Variants in MBNL1 observed in about 807,000 individuals in gnomAD.
The protein encoded by MBNL1 is muscleblind like splicing regulator 1.
A neutral mutation model predicts 42.2 loss-of-function variants in MBNL1; 8 were observed. The observed-to-expected ratio is 0.19, with a 90% CI of 0.11 to 0.34. The LOEUF is 0.34. Ranked by LOEUF, MBNL1 falls within the 10% of genes least tolerant of loss-of-function variation. MBNL1 has a pLI of 1.00. For synonymous variants in MBNL1, 169 were observed against 173.9 expected, an observed-to-expected ratio of 0.97 and a Z score of 0.22; for missense variants, 309 against 495.3, an observed-to-expected ratio of 0.62 and a Z score of 3.57.
chr3:152,338,997 TTAAAGA>T (rs1216072533), intron 2 of MBNL1, among the ~76,000 whole-genome samples: 3 of 152,272 alleles, frequency 2.0e-5, no homozygotes, highest in African/African-American at 7.2e-5. Flanking sequence ...ATTAAAATGG[TTAAAGA>T]TAAAATAGAA....
At chr3:152,401,620 TGA>T (rs2098223631) in intron 2 of MBNL1, among the ~76,000 whole-genome samples, 1 of 151,964 alleles carries the variant, frequency 6.6e-6, no homozygotes, top group African/African-American at 2.4e-5. Context: ...AGCTAGCGGG[TGA>T]GAGAGCTGCA....
At chr3:152,329,927 T>C (rs188096782) in intron 2 of MBNL1, among the ~76,000 whole-genome samples, 45 of 152,044 alleles carry the variant, frequency 3.0e-4, no homozygotes, top group Middle Eastern at 3.4e-3. Context: ...GGATTATTTC[T>C]ATGAATTCTC....
At chr3:152,261,895 T>G (rs1232362964) in intron 2 of MBNL1, among the ~76,000 whole-genome samples, 1 of 152,238 alleles carries the variant, frequency 6.6e-6, no homozygotes, top group African/African-American at 2.4e-5. Flanking sequence ...ATTTGCCAGC[T>G]GCTTGGGAGT....
chr3:152,340,560 T>C lies in MBNL1; in HGVS notation c.174+40193T>C, dbSNP rs200228030. 1,021 of 1,613,292 alleles carry C rather than the reference T, an allele frequency of 6.3e-4. 2 individuals carry two copies. Among genetic ancestry groups the C allele is most frequent in the Non-Finnish European group, 7.9e-4 (937 of 1,179,594 alleles). ...TCATGAGTCCAAGCTGAGACATAGC[T>C]ACAACTGACAGGATCTGTTCACCAT... On this transcript the variant is annotated intron_variant, in intron 2 of 9. Transcript: ENST00000324210.
intron 1 of MBNL1, chr3:152,269,318 G>A: frequency 2.9e-6 from 1 of 348,522 alleles, no homozygotes; most frequent in South Asian, 2.1e-5. Context: ...CCTGCCGCGG[G>A]CTCTGCGGAC....
chr3:152,253,381 G>C (rs1315161259), intron 2 of MBNL1, among the ~76,000 whole-genome samples: 1 of 152,040 alleles, frequency 6.6e-6, no homozygotes, highest in Non-Finnish European at 1.5e-5. Context: ...AGAATCACCT[G>C]TTTCACATCT....
chr3:152,338,426 C>T (rs1166139705), intron 2 of MBNL1: 2 of 985,294 alleles, frequency 2.0e-6, no homozygotes, highest in Admixed American at 6.1e-5. Flanking sequence ...TACAGTTGAG[C>T]ACCGTGCTGG....
chr3:152,446,533 T>G (rs1399463324), intron 5 of MBNL1, among the ~76,000 whole-genome samples: 1 of 152,196 alleles, frequency 6.6e-6, no homozygotes, highest in Admixed American at 6.5e-5. Flanking sequence ...ATGCTTAGTC[T>G]TGTTATTCGT....
At chr3:152,323,457 G>A (rs977277088) in intron 2 of MBNL1, among the ~76,000 whole-genome samples, 2 of 151,894 alleles carry the variant, frequency 1.3e-5, no homozygotes, top group Non-Finnish European at 2.9e-5. Flanking sequence ...GTACACACAC[G>A]TGCGTGCACA....
intron 2 of MBNL1, among the ~76,000 whole-genome samples, chr3:152,325,152 C>CT (rs1260558966): frequency 7.4e-6 from 1 of 134,988 alleles, no homozygotes; most frequent in Non-Finnish European, 1.5e-5. Flanking sequence ...GCCTGGGACT[C>CT]TTTTTTCTTC....
intron 2 of MBNL1, among the ~76,000 whole-genome samples, chr3:152,313,226 T>A (rs2068091411): frequency 6.6e-6 from 1 of 152,234 alleles, no homozygotes; most frequent in African/African-American, 2.4e-5. Flanking sequence ...GGTTTCACCA[T>A]GTTGGCCAGG....
At chr3:152,405,511 AG>A (rs1003904299) in intron 2 of MBNL1, among the ~76,000 whole-genome samples, 4 of 152,166 alleles carry the variant, frequency 2.6e-5, no homozygotes, top group African/African-American at 9.7e-5. Flanking sequence ...TACTTCCTGA[AG>A]GGAAGGAGAG....
intron 1 of MBNL1, among the ~76,000 whole-genome samples, chr3:152,278,079 A>G (rs996085243): frequency 6.6e-6 from 1 of 152,078 alleles, no homozygotes; most frequent in African/African-American, 2.4e-5. Context: ...CTATTTAGCT[A>G]TGTCATTAAG....
At chr3:152,265,838 A>G (rs1046011915), upstream of MBNL1, 2 of 152,178 alleles carry the variant, frequency 1.3e-5, no homozygotes, top group Non-Finnish European at 2.9e-5. Context: ...ATGAACCTGT[A>G]GACTATACAC....
chr3:152,286,462 A>ATTTG (rs1320050690), intron 1 of MBNL1, among the ~76,000 whole-genome samples: 1 of 139,090 alleles, frequency 7.2e-6, no homozygotes, highest in Non-Finnish European at 1.5e-5. Context: ...TAATATAAAT[A>ATTTG]TATTTTATTT....
rs529281213 is a variant in MBNL1 at position 152,380,676 on chromosome 3, C to T, written c.175-34265C>T. Among the ~76,000 whole-genome samples the T allele has an allele frequency of 5.4e-4, 82 of 152,022 alleles. 1 individual carries two copies. The highest frequency in any genetic ancestry group is 1.4e-3 in the Admixed American group (22 of 15,254). On this transcript the variant is annotated intron_variant, in intron 2 of 9. Transcript: ENST00000324210. ...TTAGCCCTTTATGTGGGAGTTACTG[C>T]ATTTTCACATTATGTACTTTAACAC...
At chr3:152,373,174 G>A (rs905327350) in intron 2 of MBNL1, among the ~76,000 whole-genome samples, 4 of 152,018 alleles carry the variant, frequency 2.6e-5, no homozygotes, top group African/African-American at 4.8e-5. Flanking sequence ...GTCCCAGGTC[G>A]ACTTCAGACT....
intron 2 of MBNL1, among the ~76,000 whole-genome samples, chr3:152,377,241 A>C (rs1336025913): frequency 6.6e-6 from 1 of 152,122 alleles, no homozygotes; most frequent in East Asian, 1.9e-4. Context: ...TTTTTCATTG[A>C]ATTGGCCTGG....
intron 2 of MBNL1, among the ~76,000 whole-genome samples, chr3:152,383,034 A>G (rs2097252175): frequency 6.6e-6 from 1 of 152,104 alleles, no homozygotes; most frequent in Non-Finnish European, 1.5e-5. Context: ...AGCCCATGAG[A>G]TAAAGGCTGT....
Sources: gnomAD v4.1 joint callset for allele counts (sites outside exome capture counted in the v4.1 genomes callset) on GRCh38, gnomAD v4.1.1 for gene constraint, MANE v1.5 for transcripts, NCBI Gene and HGNC (gene_info 2026-07-23, HGNC 2026-07-21) for gene names.